The following CLPB variants were observed in gnomAD, a reference collection of about 807,000 sequenced individuals.
The protein encoded by CLPB is ClpB family mitochondrial disaggregase, also known as mitochondrial disaggregase.
CLPB carries 40 observed loss-of-function variants against 78.4 expected under a neutral mutation model. The ratio of observed to expected loss-of-function variants is 0.51; its 90% CI spans 0.40 to 0.66. CLPB has a LOEUF of 0.66. CLPB is among the 30% of genes least tolerant of loss of function. The probability of loss-of-function intolerance (pLI) is 0.00; values close to 1 mark genes in which losing one functional copy is unlikely to be tolerated. For missense variants in CLPB, 780 were observed against 886.9 expected (o/e 0.88, Z 1.53); for synonymous variants, 333 against 348.0 (o/e 0.96, Z 0.48).
chr11:72,336,847 C>G (rs1049809854), intron 5 of CLPB: 7 of 374,858 alleles, frequency 1.9e-5, no homozygotes, highest in Admixed American at 4.6e-5. Context: ...ATATGAGCAG[C>G]CATGCACCTT....
chr11:72,315,121 C>T (rs1383612761), intron 7 of CLPB, among the ~76,000 whole-genome samples: 2 of 151,912 alleles, frequency 1.3e-5, no homozygotes, highest in African/African-American at 4.8e-5. Flanking sequence ...GGTGTTTGAT[C>T]CTTCATTGGC....
intron 11 of CLPB, among the ~76,000 whole-genome samples, chr11:72,298,686 C>G (rs763306611): frequency 6.6e-6 from 1 of 152,144 alleles, no homozygotes; most frequent in Non-Finnish European, 1.5e-5. Flanking sequence ...TTTGTAGAGA[C>G]AAGGTTTTGC....
chr11:72,414,281 G>A (rs1855958095), intron 2 of CLPB, among the ~76,000 whole-genome samples: 1 of 152,194 alleles, frequency 6.6e-6, no homozygotes, highest in Non-Finnish European at 1.5e-5. Context: ...CAGAGAGTCA[G>A]CAGCTGTGGT....
intron 5 of CLPB, among the ~76,000 whole-genome samples, chr11:72,339,570 A>G (rs1273182874): frequency 6.6e-6 from 1 of 152,224 alleles, no homozygotes; most frequent in Non-Finnish European, 1.5e-5. Context: ...GAGGTTTCCT[A>G]CTTATATACT....
intron 2 of CLPB, among the ~76,000 whole-genome samples, chr11:72,414,050 G>T (rs1855952585): frequency 6.6e-6 from 1 of 152,162 alleles, no homozygotes; most frequent in South Asian, 2.1e-4. Context: ...CTTCCTAGAG[G>T]CAGAGTGTGC....
intron 5 of CLPB, among the ~76,000 whole-genome samples, chr11:72,338,259 T>C (rs76352047): frequency 0.038 from 5,717 of 152,126 alleles, 307 homozygotes; most frequent in African/African-American, 0.12. Context: ...AGCTAGGCAT[T>C]GTGTAGCTGA....
At chr11:72,300,044 G>A (rs1029346793) in intron 11 of CLPB, among the ~76,000 whole-genome samples, 1 of 152,134 alleles carries the variant, frequency 6.6e-6, no homozygotes, top group Non-Finnish European at 1.5e-5. Flanking sequence ...GCATGGTCCC[G>A]TCCCTTGCGT....
At chr11:72,393,079 A>G (rs529937000) in intron 3 of CLPB, among the ~76,000 whole-genome samples, 2 of 152,356 alleles carry the variant, frequency 1.3e-5, no homozygotes, top group African/African-American at 4.8e-5. Flanking sequence ...AGGCTCGAGG[A>G]AGGCATGGCA....
chr11:72,286,565 C>T lies in CLPB; in HGVS notation c.*6802G>A, dbSNP rs1209025863. The T allele has an allele frequency of 6.6e-6, 1 of 152,122 alleles. No homozygotes were observed. The highest frequency in any genetic ancestry group is 1.5e-5 in the Non-Finnish European group (1 of 68,034). 9.4% of individuals were successfully genotyped at this position (152,122 alleles called of 1,614,324 possible). ...GATGTAGGCTCACTACAACCTCTGCCTCCAGGTTCAAGGGATTCCTGTGCC... is the reference window on the plus strand; with the variant it reads ...GATGTAGGCTCACTACAACCTCTGCTTCCAGGTTCAAGGGATTCCTGTGCC... On this transcript the variant is annotated 3_prime_UTR_variant, in exon 16 of 16. Coordinates refer to ENST00000538039, the MANE Select transcript of CLPB (RefSeq NM_001258392.3).
In CLPB at chr11:72,301,919, C is replaced by T. The variant is rs2135500765; in HGVS notation, c.1213G>A (p.Glu405Lys). The change falls in exon 11 of 16, where the codon GAG (glutamate) becomes AAG (lysine). Residue 405 changes from glutamate to lysine, a missense_variant. Coordinates refer to ENST00000538039, the MANE Select transcript of CLPB (RefSeq NM_001258392.3). ...AACTTCTTGGTCAGCTGGCCACCCTCCTCATGGCCAACGTAGCCTGGTGGA... is the reference window on the plus strand; with the variant it reads ...AACTTCTTGGTCAGCTGGCCACCCTTCTCATGGCCAACGTAGCCTGGTGGA... ...GSPPGYVGHEEGGQLTKKLKQ... is the reference protein window; with the variant it reads ...GSPPGYVGHEKGGQLTKKLKQ... 6.2e-7 allele frequency: 1 copy of T among 1,614,200 alleles called. No individual in the cohort carries two copies. Among genetic ancestry groups the T allele is most frequent in the East Asian group, 2.2e-5 (1 of 44,888 alleles).
At chr11:72,325,323 A>T (rs1360077907) in intron 6 of CLPB, among the ~76,000 whole-genome samples, 3 of 152,102 alleles carry the variant, frequency 2.0e-5, no homozygotes, top group African/African-American at 7.2e-5. Context: ...CCAGGAGGTG[A>T]TCCACGCTTT....
At chr11:72,354,405 C>T (rs551022617) in intron 5 of CLPB, 32 of 398,174 alleles carry the variant, frequency 8.0e-5, no homozygotes, top group African/African-American at 3.7e-4. Flanking sequence ...TCAAGAAAAA[C>T]GGCCATGATT....
chr11:72,406,905 C>CGT (rs112611376), intron 2 of CLPB, among the ~76,000 whole-genome samples: 11 of 151,766 alleles, frequency 7.2e-5, no homozygotes, highest in Non-Finnish European at 1.2e-4. Context: ...TGTGTAGGTA[C>CGT]GTGTGTGTGT....
intron 11 of CLPB, among the ~76,000 whole-genome samples, chr11:72,296,424 C>T (rs1949552437): frequency 6.6e-6 from 1 of 151,976 alleles, no homozygotes; most frequent in African/African-American, 2.4e-5. Context: ...AAAGATGCAC[C>T]AAAGAAGGAG....
At chr11:72,371,745 C>T (rs1298983517) in intron 4 of CLPB, among the ~76,000 whole-genome samples, 2 of 151,996 alleles carry the variant, frequency 1.3e-5, no homozygotes, top group Admixed American at 6.6e-5. Flanking sequence ...ATAGCACACC[C>T]CTTCTCTACT....
chr11:72,428,317 C>G (rs1856447446), intron 2 of CLPB, among the ~76,000 whole-genome samples: 1 of 152,200 alleles, frequency 6.6e-6, no homozygotes, highest in Non-Finnish European at 1.5e-5. Flanking sequence ...ATCCTTCACT[C>G]CTCTGCAAGT....
rs974000691 is a variant in CLPB, at chr11:72,293,470, C to T, written c.1931G>A (p.Arg644His). Residue 644 changes from arginine to histidine, a missense_variant, in exon 16 of 16, where the codon CGC (arginine) becomes CAC (histidine). Arg to His is a conservative substitution (Grantham distance 29). Transcript: ENST00000538039. ...PELPSPQAEK[R>H]LPKLRLEIID... is the part of the protein sequence containing the mutation. ...GATCTCCAGACGCAGCTTGGGGAGG[C>T]GCTTCTCAGCCTGGGGTGAGGGCAG... is the stretch of plus-strand genomic sequence containing the variant. 1.6e-5 allele frequency: 26 copies of T among 1,614,000 alleles called. No homozygotes were observed. The highest frequency in any genetic ancestry group is 3.3e-5 in the Admixed American group (2 of 60,008).
intron 4 of CLPB, among the ~76,000 whole-genome samples, chr11:72,373,482 G>C (rs1462294405): frequency 6.6e-6 from 1 of 152,176 alleles, no homozygotes; most frequent in Non-Finnish European, 1.5e-5. Flanking sequence ...TCAAGGCACT[G>C]AATGGAATGT....
At chr11:72,317,014 A>T in intron 7 of CLPB, 92 bp downstream of exon 7, 2 of 764,420 alleles carry the variant, frequency 2.6e-6, no homozygotes, top group Non-Finnish European at 4.2e-6. Flanking sequence ...CTAATTTTTA[A>T]TATTATTAAC....
Sources: allele counts gnomAD v4.1 joint callset (sites outside exome capture counted in the v4.1 genomes callset), GRCh38; gene constraint gnomAD v4.1.1; transcripts MANE v1.5; gene names NCBI Gene and HGNC (gene_info 2026-07-23, HGNC 2026-07-21).